NAV3: variants seen among roughly 807,000 people sequenced by gnomAD.
NAV3 encodes neuron navigator 3, also known as pore membrane and/or filament interacting like protein 1.
NAV3 carries 87 observed loss-of-function variants against 244.7 expected under a neutral mutation model. The ratio of observed to expected loss-of-function variants is 0.36; its 90% CI spans 0.30 to 0.42. NAV3 has a LOEUF of 0.42. Ranked by LOEUF, NAV3 falls within the 20% of genes least tolerant of loss-of-function variation. The pLI is 1.00. For missense variants in NAV3, 2,663 were observed against 2,893.3 expected (o/e 0.92, Z 1.83); for synonymous variants, 1,126 against 1,042.2 (o/e 1.08, Z -1.55).
chr12:77,680,721 G>A (rs913393821), intron 2 of NAV3, among the ~76,000 whole-genome samples: 2 of 151,420 alleles, frequency 1.3e-5, no homozygotes, highest in Admixed American at 1.3e-4. Context: ...TATGTGCAAA[G>A]TAGGTGCACA....
intron 1 of NAV3, among the ~76,000 whole-genome samples, chr12:77,888,091 G>A (rs890561380): frequency 2.0e-5 from 3 of 150,710 alleles, no homozygotes; most frequent in Non-Finnish European, 4.4e-5. Flanking sequence ...AGGAATATGC[G>A]GTAAAATATG....
chr12:77,784,814 G>A (rs770845715), intron 2 of NAV3, among the ~76,000 whole-genome samples: 2 of 152,186 alleles, frequency 1.3e-5, no homozygotes, highest in African/African-American at 4.8e-5. Flanking sequence ...AAAGCAGGTA[G>A]TTATCTGCTA....
At chr12:77,638,453 G>A (rs1001790426) in intron 2 of NAV3, among the ~76,000 whole-genome samples, 1 of 152,140 alleles carries the variant, frequency 6.6e-6, no homozygotes, top group Admixed American at 6.5e-5. Flanking sequence ...CATCTGCCTT[G>A]ATGCCTCATC....
chr12:78,127,805 A>AG (rs1340572146), intron 17 of NAV3, among the ~76,000 whole-genome samples: 3 of 152,178 alleles, frequency 2.0e-5, no homozygotes, highest in Non-Finnish European at 4.4e-5. Context: ...TCTATTTTGC[A>AG]GGGGTACTGC....
chr12:78,102,710 T>C (rs545440476), intron 12 of NAV3, among the ~76,000 whole-genome samples: 2 of 152,236 alleles, frequency 1.3e-5, no homozygotes, highest in East Asian at 1.9e-4. Flanking sequence ...TAGGTGGAGG[T>C]TCCCAAACCT....
chr12:78,028,125 T>G (rs1041447816), intron 9 of NAV3, among the ~76,000 whole-genome samples: 2 of 152,186 alleles, frequency 1.3e-5, no homozygotes, highest in South Asian at 4.1e-4. Flanking sequence ...CCATTGAAAG[T>G]GATGAACAGA....
intron 2 of NAV3, among the ~76,000 whole-genome samples, chr12:77,739,066 G>A (rs1868279882): frequency 7.3e-6 from 1 of 137,572 alleles, no homozygotes; most frequent in African/African-American, 2.6e-5. Context: ...CTAGACTTCT[G>A]TTCAAATCCT....
chr12:78,038,537 A>G (rs1566046911), intron 9 of NAV3, among the ~76,000 whole-genome samples: 1 of 152,172 alleles, frequency 6.6e-6, no homozygotes, highest in Non-Finnish European at 1.5e-5. Flanking sequence ...AATATTGTTC[A>G]ATTTTTCATG....
intron 8 of NAV3, among the ~76,000 whole-genome samples, chr12:78,018,442 C>T (rs2619053): frequency 0.42 from 63,268 of 151,988 alleles, 13,832 homozygotes; most frequent in Non-Finnish European, 0.47. Context: ...AAAAACTATA[C>T]GGCTAAAATA....
At chr12:77,969,040 C>T (rs532111380) in intron 5 of NAV3, among the ~76,000 whole-genome samples, 1 of 151,982 alleles carries the variant, frequency 6.6e-6, no homozygotes, top group Non-Finnish European at 1.5e-5. Context: ...AGTCTCCTGT[C>T]ATGTAGTTAT....
chr12:78,169,511 T>C (rs547010880), intron 24 of NAV3, among the ~76,000 whole-genome samples: 5 of 151,816 alleles, frequency 3.3e-5, no homozygotes, highest in Admixed American at 2.6e-4. Flanking sequence ...TTTTTTTCCT[T>C]TACATTGGTT....
chr12:78,105,343 T>C (rs1393702352), intron 12 of NAV3, among the ~76,000 whole-genome samples: 1 of 152,102 alleles, frequency 6.6e-6, no homozygotes, highest in Admixed American at 6.5e-5. Context: ...GATGCCTTAG[T>C]CTCCTAATCT....
chr12:77,985,786 T>C (rs188142615), intron 5 of NAV3, among the ~76,000 whole-genome samples: 26 of 152,274 alleles, frequency 1.7e-4, no homozygotes, highest in Non-Finnish European at 3.2e-4. Flanking sequence ...TACTTCTATT[T>C]CCTGTGCCTC....
intron 8 of NAV3, among the ~76,000 whole-genome samples, chr12:78,013,993 A>C (rs1875755958): frequency 6.6e-6 from 1 of 151,960 alleles, no homozygotes; most frequent in African/African-American, 2.4e-5. Flanking sequence ...TACATCCTTC[A>C]GACTTTCAAA....
At chr12:77,826,587 C>G (rs1335392647), upstream of NAV3, among the ~76,000 whole-genome samples, 1 of 151,962 alleles carries the variant, frequency 6.6e-6, no homozygotes, top group Non-Finnish European at 1.5e-5. Context: ...CATATTCAAA[C>G]AATGGAATGC....
intron 39 of NAV3, among the ~76,000 whole-genome samples, chr12:78,209,420 C>A (rs968755378): frequency 6.6e-6 from 1 of 151,714 alleles, no homozygotes; most frequent in Non-Finnish European, 1.5e-5. Flanking sequence ...AAAATTGTTA[C>A]AATTTATAAA....
chr12:77,586,885 ATACAATG>A (rs1424741303), intron 2 of NAV3, among the ~76,000 whole-genome samples: 1 of 152,194 alleles, frequency 6.6e-6, no homozygotes, highest in Non-Finnish European at 1.5e-5. Context: ...TCTGGTGAGA[ATACAATG>A]TAGAATGGGA....
intron 1 of NAV3, among the ~76,000 whole-genome samples, chr12:77,912,804 G>A (rs1444838762): frequency 1.3e-5 from 2 of 149,660 alleles, no homozygotes; most frequent in Non-Finnish European, 3.0e-5. Context: ...TAGAGATGGG[G>A]TTTCACCATA....
chr12:77,661,780 A>G (rs1873461918), intron 2 of NAV3, among the ~76,000 whole-genome samples: 1 of 152,018 alleles, frequency 6.6e-6, no homozygotes, highest in Admixed American at 6.6e-5. Context: ...TCATCCCAAT[A>G]TTATTTATTG....
Sources: allele counts gnomAD v4.1 joint callset (sites outside exome capture counted in the v4.1 genomes callset), GRCh38; gene constraint gnomAD v4.1.1; transcripts MANE v1.5; gene names NCBI Gene and HGNC (gene_info 2026-07-23, HGNC 2026-07-21).